RAB3GAP2: variants seen among roughly 807,000 people sequenced by gnomAD.
The protein encoded by RAB3GAP2 is RAB3 GTPase activating non-catalytic protein subunit 2.
In RAB3GAP2, 87 loss-of-function variants were observed where a neutral mutation model predicts 185.3. The observed-to-expected ratio is 0.47, with a 90% confidence interval of 0.39 to 0.56. The LOEUF is 0.56. RAB3GAP2 is among the 20% of genes least tolerant of loss of function. The pLI is 0.00. For synonymous variants in RAB3GAP2, 554 were observed against 576.1 expected, an observed-to-expected ratio of 0.96 and a Z score of 0.55; for missense variants, 1,492 against 1,638.2, an observed-to-expected ratio of 0.91 and a Z score of 1.54.
At chr1:220,154,216 T>C (rs1657815521) in intron 31 of RAB3GAP2, 159 bp from the exon 32 acceptor site, 4 of 1,064,598 alleles carry the variant, frequency 3.8e-6, no homozygotes, top group African/African-American at 1.6e-5. Flanking sequence ...ATCTAGTATA[T>C]AGTAGACAGC....
At chr1:220,189,253 G>A (rs1658562645) in intron 17 of RAB3GAP2, among the ~76,000 whole-genome samples, 1 of 151,712 alleles carries the variant, frequency 6.6e-6, no homozygotes, top group African/African-American at 2.4e-5. Context: ...TCAGATGTAT[G>A]GCAACCCAGG....
At chr1:220,151,903 G>T in intron 33 of RAB3GAP2, 139 bp from the exon 34 acceptor site, 1 of 938,148 alleles carries the variant, frequency 1.1e-6, no homozygotes, top group Non-Finnish European at 1.6e-6. Flanking sequence ...TACAACCAAA[G>T]ATAAATCCAA....
chr1:220,154,142 A>G lies in RAB3GAP2; in HGVS notation c.3556-85T>C, dbSNP rs376595392. 9 of 1,545,374 alleles carry G rather than the reference A, an allele frequency of 5.8e-6. No individual in the cohort carries two copies. In the African/African-American group the frequency reaches 1.2e-4, roughly 21 times the overall value. ...AAAGATTTGTTTAAAACTTAATAAT[A>G]ACTTATGGTTGATTTTTATTTCTCC... On this transcript the variant is annotated intron_variant, in intron 31 of 34. Transcript: ENST00000358951.
chr1:220,176,194 G>T (rs1461658772), intron 21 of RAB3GAP2, among the ~76,000 whole-genome samples: 5 of 151,902 alleles, frequency 3.3e-5, no homozygotes, highest in African/African-American at 4.8e-5. Flanking sequence ...TCACAACAAA[G>T]AATGCCACAT....
intron 6 of RAB3GAP2, 22 bp downstream of exon 6, chr1:220,210,779 A>G (rs1659068237): frequency 6.2e-7 from 1 of 1,606,128 alleles, no homozygotes; most frequent in East Asian, 2.3e-5. Context: ...AGTGTTTTCC[A>G]GCTGTTGAAA....
chr1:220,267,972 T>C, intron 1 of RAB3GAP2: 1 of 594,708 alleles, frequency 1.7e-6, no homozygotes, highest in Non-Finnish European at 3.0e-6. Context: ...ATAAAAGCAC[T>C]TTTAAACCAA....
intron 31 of RAB3GAP2, among the ~76,000 whole-genome samples, chr1:220,155,386 G>T (rs1044875497): frequency 1.3e-5 from 2 of 152,186 alleles, no homozygotes; most frequent in Admixed American, 6.5e-5. Context: ...TCATCCTTTA[G>T]TGATAAGAAA....
chr1:220,174,861 C>T (rs1658258005), intron 21 of RAB3GAP2, among the ~76,000 whole-genome samples: 1 of 152,230 alleles, frequency 6.6e-6, no homozygotes. Context: ...CCACTTGCAA[C>T]CCAATATCCT....
At chr1:220,206,259 T>C (rs1658964320) in intron 7 of RAB3GAP2, among the ~76,000 whole-genome samples, 1 of 152,102 alleles carries the variant, frequency 6.6e-6, no homozygotes, top group South Asian at 2.1e-4. Context: ...AAATAAAGAA[T>C]TACAATTTCA....
At chr1:220,198,656 A>G (rs1658775414) in intron 9 of RAB3GAP2, among the ~76,000 whole-genome samples, 1 of 152,146 alleles carries the variant, frequency 6.6e-6, no homozygotes, top group South Asian at 2.1e-4. Flanking sequence ...TATTATTAGG[A>G]ATGATATAAG....
At chr1:220,262,739 A>G (rs11118513) in intron 1 of RAB3GAP2, among the ~76,000 whole-genome samples, 13,822 of 152,110 alleles carry the variant, frequency 0.091, 893 homozygotes, top group African/African-American at 0.18. Flanking sequence ...GGTTGTTTCC[A>G]CCTCTTGGCT....
chr1:220,165,547 T>C (rs187607095), intron 26 of RAB3GAP2, among the ~76,000 whole-genome samples: 18 of 152,288 alleles, frequency 1.2e-4, no homozygotes, highest in Admixed American at 9.2e-4. Context: ...GTGTTGAAAT[T>C]TCTCTGAAGG....
At chr1:220,151,526 T>G (rs1405713639) in intron 34 of RAB3GAP2, 80 bp downstream of exon 34, 1 of 1,588,808 alleles carries the variant, frequency 6.3e-7, no homozygotes, top group African/African-American at 1.3e-5. Flanking sequence ...CTTGTCAAAT[T>G]TTCTTCATAA....
chr1:220,171,125 T>A lies in RAB3GAP2; in HGVS notation c.2578-5A>T, dbSNP rs778388350. 14 of 1,611,894 alleles carry A rather than the reference T, an allele frequency of 8.7e-6. No individual in the cohort carries two copies. In the African/African-American group the frequency reaches 1.7e-4, roughly 20 times the overall value. On this transcript the variant is annotated splice_region_variant and splice_polypyrimidine_tract_variant and intron_variant, in intron 23 of 34. Coordinates refer to ENST00000358951, the MANE Select transcript of RAB3GAP2 (RefSeq NM_012414.4). ...ACCCAAAACTGTTTGGGAAAACTAA[T>A]AAAAAATGCACTGGTGATTCTTTGC... is the stretch of plus-strand genomic sequence containing the variant.
At chr1:220,185,544 C>G in intron 18 of RAB3GAP2, 107 bp downstream of exon 18, 1 of 761,768 alleles carries the variant, frequency 1.3e-6, no homozygotes, top group South Asian at 1.6e-5. Flanking sequence ...TATATTACTT[C>G]CACATTAAAG....
At chr1:220,211,032 C>T (rs966644708) in intron 4 of RAB3GAP2, 30 bp from the exon 5 acceptor site, 4 of 1,597,340 alleles carry the variant, frequency 2.5e-6, no homozygotes, top group East Asian at 4.5e-5. Flanking sequence ...CATATGCTTA[C>T]CCACTGAACT....
At chr1:220,217,530 C>T (rs1381339358) in intron 2 of RAB3GAP2, among the ~76,000 whole-genome samples, 1 of 152,104 alleles carries the variant, frequency 6.6e-6, no homozygotes, top group Non-Finnish European at 1.5e-5. Flanking sequence ...TCTTACTACT[C>T]CCTGCTACCT....
rs1395072735 is a variant in RAB3GAP2 at position 220,150,241 on chromosome 1, C to T, written c.*1010G>A. On this transcript the variant is annotated 3_prime_UTR_variant, in exon 35 of 35. Transcript: ENST00000358951. Reference sequence around the variant, plus strand: ...TTAATCAGTAAATATTTATTTAGCACTTGGACTGCTCTAGGCACTATAGGG... The same window carrying T: ...TTAATCAGTAAATATTTATTTAGCATTTGGACTGCTCTAGGCACTATAGGG... The T allele has an allele frequency of 6.6e-6, 1 of 151,890 alleles. No individual in the cohort carries two copies. Among genetic ancestry groups the T allele is most frequent in the Non-Finnish European group, 1.5e-5 (1 of 67,916 alleles). 9.4% of individuals were successfully genotyped at this position (151,890 alleles called of 1,614,324 possible).
At chr1:220,255,183 A>C (rs994453884) in intron 1 of RAB3GAP2, among the ~76,000 whole-genome samples, 1 of 151,756 alleles carries the variant, frequency 6.6e-6, no homozygotes, top group African/African-American at 2.4e-5. Context: ...ATCTTCAATA[A>C]ATTTTTTCTT....
Sources: allele counts gnomAD v4.1 joint callset (sites outside exome capture counted in the v4.1 genomes callset), GRCh38; gene constraint gnomAD v4.1.1; transcripts MANE v1.5; gene names NCBI Gene and HGNC (gene_info 2026-07-23, HGNC 2026-07-21).